Variants in PDGFRL observed in about 807,000 individuals in gnomAD.
PDGFRL encodes platelet derived growth factor receptor like.
In PDGFRL, 46 loss-of-function variants were observed where a neutral mutation model predicts 37.2. The ratio of observed to expected loss-of-function variants is 1.24; its 90% CI spans 0.98 to 1.58. The LOEUF (loss-of-function observed/expected upper bound fraction) is 1.58, where lower values mean the gene tolerates loss of function less well. PDGFRL is among the 40% of genes most tolerant of loss of function. The probability of loss-of-function intolerance (pLI) is 0.00; values close to 1 mark genes in which losing one functional copy is unlikely to be tolerated. For missense variants in PDGFRL, 692 were observed against 467.6 expected (o/e 1.48, Z -4.43); for synonymous variants, 251 against 184.3 (o/e 1.36, Z -2.93).
chr8:17,591,806 C>G (rs533281140), intron 2 of PDGFRL, among the ~76,000 whole-genome samples: 2 of 152,162 alleles, frequency 1.3e-5, no homozygotes, highest in Admixed American at 6.5e-5. Flanking sequence ...CCCAGCTACT[C>G]GGAAGGCTGA....
intron 2 of PDGFRL, among the ~76,000 whole-genome samples, chr8:17,597,097 T>C (rs1387250074): frequency 6.6e-6 from 1 of 152,196 alleles, no homozygotes; most frequent in African/African-American, 2.4e-5. Flanking sequence ...CTCAGCTCAC[T>C]GCAACCTCTA....
chr8:17,608,784 T>C (rs1242325628), intron 2 of PDGFRL, among the ~76,000 whole-genome samples: 1 of 151,958 alleles, frequency 6.6e-6, no homozygotes, highest in Non-Finnish European at 1.5e-5. Flanking sequence ...TGTGGTCAAG[T>C]GTGAGTGTGG....
intron 1 of PDGFRL, among the ~76,000 whole-genome samples, chr8:17,578,283 G>C (rs1025449032): frequency 3.9e-5 from 6 of 152,192 alleles, no homozygotes; most frequent in Non-Finnish European, 7.3e-5. Context: ...GCTGGAGCCA[G>C]CTCGACCTGG....
chr8:17,608,013 C>T (rs1804319729), intron 2 of PDGFRL, among the ~76,000 whole-genome samples: 1 of 152,220 alleles, frequency 6.6e-6, no homozygotes. Context: ...TGCTAAGTTG[C>T]TGCCCTGGGG....
chr8:17,607,251 A>C (rs748720630), intron 2 of PDGFRL, among the ~76,000 whole-genome samples: 2 of 152,020 alleles, frequency 1.3e-5, no homozygotes, highest in Admixed American at 6.6e-5. Flanking sequence ...TGCTCATACT[A>C]ATGGTCCCAA....
intron 4 of PDGFRL, among the ~76,000 whole-genome samples, chr8:17,632,886 C>T (rs552531429): frequency 2.6e-5 from 4 of 152,302 alleles, no homozygotes; most frequent in African/African-American, 9.6e-5. Flanking sequence ...CTCTGAAGCT[C>T]GGCCTTGAGA....
At chr8:17,636,064 G>T (rs1049659756) in intron 5 of PDGFRL, among the ~76,000 whole-genome samples, 1 of 152,174 alleles carries the variant, frequency 6.6e-6, no homozygotes, top group East Asian at 1.9e-4. Context: ...CCACTCTGTG[G>T]GTTGTGTGTT....
chr8:17,638,990 A>C (rs186089563), intron 5 of PDGFRL, among the ~76,000 whole-genome samples: 673 of 151,730 alleles, frequency 4.4e-3, no homozygotes, highest in Non-Finnish European at 7.5e-3. Flanking sequence ...TGGAGGTTGC[A>C]TTGAGCCAAG....
At chr8:17,610,254 C>A (rs956954900) in intron 2 of PDGFRL, among the ~76,000 whole-genome samples, 2 of 152,104 alleles carry the variant, frequency 1.3e-5, no homozygotes, top group African/African-American at 4.8e-5. Context: ...TCTGATGTTA[C>A]CCACAGAGAA....
chr8:17,638,728 G>T (rs1805024742), intron 5 of PDGFRL, among the ~76,000 whole-genome samples: 1 of 93,330 alleles, frequency 1.1e-5, no homozygotes. Flanking sequence ...GGGAGCTCTG[G>T]CATTAGGTGC....
chr8:17,582,935 C>T lies in PDGFRL; in HGVS notation c.55+5628C>T, dbSNP rs190171375. 1.8e-4 allele frequency among the ~76,000 whole-genome samples: 28 copies of T among 152,238 alleles called. No homozygotes were observed. In the East Asian group the frequency reaches 5.2e-3, roughly 28 times the overall value. On this transcript the variant is annotated intron_variant, in intron 1 of 5. Transcript: ENST00000251630. The stretch of plus-strand genomic sequence containing the variant: ...GTGCACCACCTCGGGATGCTACTGC[C>T]CCTATCTCAGGTGCACCAGCTCTAG...
At chr8:17,599,952 C>G (rs187899970) in intron 2 of PDGFRL, among the ~76,000 whole-genome samples, 1 of 152,112 alleles carries the variant, frequency 6.6e-6, no homozygotes, top group African/African-American at 2.4e-5. Flanking sequence ...CATTCTGGAT[C>G]ATCAACATCT....
intron 2 of PDGFRL, among the ~76,000 whole-genome samples, chr8:17,608,965 T>A (rs971318442): frequency 6.6e-6 from 1 of 152,142 alleles, no homozygotes; most frequent in Non-Finnish European, 1.5e-5. Flanking sequence ...ATGCCTGTAA[T>A]CCCAGCACTT....
chr8:17,594,497 T>C (rs939361910), intron 2 of PDGFRL, among the ~76,000 whole-genome samples: 1 of 152,078 alleles, frequency 6.6e-6, no homozygotes, highest in Non-Finnish European at 1.5e-5. Context: ...TGCCTCAGCC[T>C]CCTGTAAGTG....
chr8:17,608,794 G>C (rs1804341438), intron 2 of PDGFRL, among the ~76,000 whole-genome samples: 1 of 152,210 alleles, frequency 6.6e-6, no homozygotes, highest in South Asian at 2.1e-4. Context: ...TGTGAGTGTG[G>C]AGCGGCTGAT....
Position 17,621,036 on chromosome 8 carries a change from G to A in PDGFRL, c.354-15G>A. 6.3e-7 allele frequency: 1 copy of A among 1,578,432 alleles called. No individual in the cohort carries two copies. Among genetic ancestry groups the A allele is most frequent in the Non-Finnish European group, 8.7e-7 (1 of 1,155,484 alleles). On this transcript the variant is annotated splice_polypyrimidine_tract_variant and intron_variant, in intron 2 of 5. Transcript: ENST00000251630. ...GGTCTGACTTGCTTTGAGTTCATGT[G>A]TCTTTTATTCCTAGCGTCAAGCAGA...
rs1003908540 is a variant in PDGFRL at position 17,596,314 on chromosome 8, G to A, written c.353+6549G>A. The A allele has an allele frequency of 4.1e-6, 5 of 1,225,138 alleles. No individual in the cohort carries two copies. The Admixed American group carries it at 1.9e-4, about 47-fold the overall frequency. The allele number at this position is 1,225,138 out of a possible 1,614,324, so 75.9% of individuals were successfully genotyped here. A position where few individuals can be genotyped will look rare whatever the true frequency, so the allele number is the denominator to read the frequency against. On this transcript the variant is annotated intron_variant, in intron 2 of 5. Coordinates refer to ENST00000251630, the MANE Select transcript of PDGFRL (RefSeq NM_001372073.1). The stretch of plus-strand genomic sequence containing the variant: ...CAGATCGGCTGCCAGGCTGCTCACA[G>A]GCACATGGGCTGCACGTAACTCCGT...
intron 2 of PDGFRL, among the ~76,000 whole-genome samples, chr8:17,601,648 T>C (rs1260786242): frequency 1.3e-5 from 2 of 152,140 alleles, no homozygotes; most frequent in Admixed American, 1.3e-4. Flanking sequence ...GGCCCCTGTG[T>C]CTATAATTCC....
chr8:17,588,817 T>C (rs1230341617), intron 1 of PDGFRL, among the ~76,000 whole-genome samples: 3 of 152,176 alleles, frequency 2.0e-5, no homozygotes, highest in African/African-American at 4.8e-5. Flanking sequence ...CAAACAGCCT[T>C]GAATGGCTTC....
Sources: gnomAD v4.1 joint callset for allele counts (sites outside exome capture counted in the v4.1 genomes callset) on GRCh38, gnomAD v4.1.1 for gene constraint, MANE v1.5 for transcripts, NCBI Gene and HGNC (gene_info 2026-07-23, HGNC 2026-07-21) for gene names.